Variants in PRTFDC1 observed in about 807,000 individuals in gnomAD.
PRTFDC1 encodes the protein phosphoribosyl transferase domain containing 1.
Under a neutral mutation model 34.6 loss-of-function variants are expected in PRTFDC1, and 38 were observed. The ratio of observed to expected loss-of-function variants is 1.10; its 90% CI spans 0.85 to 1.44. The LOEUF (loss-of-function observed/expected upper bound fraction) is 1.44, where lower values mean the gene tolerates loss of function less well. PRTFDC1 is among the 40% of genes most tolerant of loss of function. The pLI, the probability that PRTFDC1 is intolerant of heterozygous loss-of-function variation, is 0.00. For synonymous variants in PRTFDC1, 93 were observed against 98.1 expected, an observed-to-expected ratio of 0.95 and a Z score of 0.31; for missense variants, 270 against 283.0, an observed-to-expected ratio of 0.95 and a Z score of 0.33.
intron 3 of PRTFDC1, among the ~76,000 whole-genome samples, chr10:24,936,295 T>A (rs1296247134): frequency 2.0e-5 from 3 of 152,052 alleles, no homozygotes; most frequent in African/African-American, 4.8e-5. Flanking sequence ...ACAGCTTTTT[T>A]TTTTTGGCAA....
intron 3 of PRTFDC1, among the ~76,000 whole-genome samples, chr10:24,920,549 G>A (rs1053258271): frequency 1.3e-4 from 20 of 150,292 alleles, no homozygotes; most frequent in African/African-American, 3.5e-4. Flanking sequence ...AAGATGCGGC[G>A]ACAGCATCAG....
intron 3 of PRTFDC1, chr10:24,908,801 G>A: frequency 7.1e-7 from 1 of 1,399,114 alleles, no homozygotes. Flanking sequence ...CAGCCAGATA[G>A]CCCTCACATC....
rs1032064722 is a variant in PRTFDC1, at chr10:24,849,687, A to G, written c.*157T>C. 1.2e-5 allele frequency: 8 copies of G among 642,094 alleles called. No individual in the cohort carries two copies. The highest frequency in any genetic ancestry group is 2.9e-5 in the Admixed American group (1 of 34,318). The allele number at this position is 642,094 out of a possible 1,614,324, so 39.8% of individuals were successfully genotyped here. A position where few individuals can be genotyped will look rare whatever the true frequency, so the allele number is the denominator to read the frequency against. ...CTTAGGAACCTTTGATACTCTTTAT[A>G]TTAACCTCAGAAAAGAAAGCTCTCT... On this transcript the variant is annotated 3_prime_UTR_variant, in exon 9 of 9. Coordinates refer to ENST00000320152, the MANE Select transcript of PRTFDC1 (RefSeq NM_020200.7).
intron 3 of PRTFDC1, chr10:24,908,945 C>A: frequency 2.5e-6 from 1 of 401,680 alleles, no homozygotes; most frequent in Non-Finnish European, 4.4e-6. Flanking sequence ...CAGCTCTAAA[C>A]AAGGCATCCA....
intron 3 of PRTFDC1, among the ~76,000 whole-genome samples, chr10:24,894,468 A>C (rs901961288): frequency 2.0e-5 from 3 of 152,186 alleles, no homozygotes; most frequent in African/African-American, 7.2e-5. Flanking sequence ...GACCATCACC[A>C]GCAGGCTCTG....
chr10:24,874,736 A>T (rs12414663), intron 3 of PRTFDC1, among the ~76,000 whole-genome samples: 19,492 of 152,182 alleles, frequency 0.13, 1,494 homozygotes, highest in South Asian at 0.22. Flanking sequence ...GTGTTTTTTT[A>T]AAATTTTTAA....
At chr10:24,873,206 T>A (rs1044341970) in intron 3 of PRTFDC1, among the ~76,000 whole-genome samples, 6 of 152,076 alleles carry the variant, frequency 3.9e-5, no homozygotes, top group African/African-American at 1.4e-4. Flanking sequence ...TTATGTATGG[T>A]ATATTATCCT....
In PRTFDC1 at chr10:24,949,659, T is replaced by C. The variant is rs79380091; in HGVS notation, c.48+2869A>G. Reference sequence around the variant, plus strand: ...TGGATTATTTCCCACCTTTGTGGGCTCTCATGCAAGCACCAAGCCCCTTGG... The same window carrying C: ...TGGATTATTTCCCACCTTTGTGGGCCCTCATGCAAGCACCAAGCCCCTTGG... On this transcript the variant is annotated intron_variant, in intron 1 of 8. Transcript: ENST00000320152. 8.2e-3 allele frequency among the ~76,000 whole-genome samples: 1,248 copies of C among 152,256 alleles called. 16 individuals carry two copies. Among genetic ancestry groups the C allele is most frequent in the African/African-American group, 0.028 (1,161 of 41,556 alleles).
chr10:24,895,123 T>C (rs773373348), intron 3 of PRTFDC1, among the ~76,000 whole-genome samples: 4 of 152,194 alleles, frequency 2.6e-5, no homozygotes, highest in Non-Finnish European at 4.4e-5. Flanking sequence ...CTTGTCTTGT[T>C]ATAAACTGAA....
chr10:24,899,357 G>A (rs548324089), intron 3 of PRTFDC1, among the ~76,000 whole-genome samples: 1 of 152,174 alleles, frequency 6.6e-6, no homozygotes, highest in East Asian at 1.9e-4. Flanking sequence ...TTATTTTATT[G>A]CAAGTGAAGG....
intron 3 of PRTFDC1, among the ~76,000 whole-genome samples, chr10:24,926,145 T>C (rs1257656624): frequency 6.6e-6 from 1 of 152,216 alleles, no homozygotes; most frequent in Non-Finnish European, 1.5e-5. Context: ...TGGATGTCAC[T>C]TCTAGCTGTG....
chr10:24,918,364 T>G, intron 3 of PRTFDC1, among the ~76,000 whole-genome samples: 1 of 152,218 alleles, frequency 6.6e-6, no homozygotes, highest in East Asian at 1.9e-4. Context: ...TATATCCATG[T>G]CATTTTAGTG....
chr10:24,903,837 G>C (rs1057274414), intron 3 of PRTFDC1, among the ~76,000 whole-genome samples: 1 of 150,712 alleles, frequency 6.6e-6, no homozygotes, highest in Non-Finnish European at 1.5e-5. Flanking sequence ...CACACACCCA[G>C]CTAATTTATT....
intron 3 of PRTFDC1, among the ~76,000 whole-genome samples, chr10:24,931,019 C>T (rs1458496389): frequency 6.6e-6 from 1 of 151,898 alleles, no homozygotes; most frequent in Non-Finnish European, 1.5e-5. Context: ...ATAGAACAAG[C>T]CTCAAAAAAT....
chr10:24,926,388 C>CT (rs1848874726), intron 3 of PRTFDC1, among the ~76,000 whole-genome samples: 2 of 152,158 alleles, frequency 1.3e-5, no homozygotes, highest in Admixed American at 1.3e-4. Context: ...TTTCATCCAT[C>CT]TTTTTTTGAG....
intron 3 of PRTFDC1, among the ~76,000 whole-genome samples, chr10:24,902,816 C>A (rs1018468318): frequency 2.6e-5 from 4 of 152,144 alleles, no homozygotes; most frequent in Non-Finnish European, 5.9e-5. Flanking sequence ...TTCATTTATT[C>A]TTTTGTCAAA....
chr10:24,867,549 T>G (rs76392723), intron 4 of PRTFDC1: 8 of 150,008 alleles, frequency 5.3e-5, no homozygotes, highest in African/African-American at 2.0e-4. Context: ...CGTGTTTTCA[T>G]TTTTTTTTTC....
chr10:24,940,380 A>T (rs1001762303), intron 2 of PRTFDC1, among the ~76,000 whole-genome samples: 14 of 152,244 alleles, frequency 9.2e-5, no homozygotes, highest in African/African-American at 3.4e-4. Context: ...GTTCAATAAG[A>T]AGATGAACAA....
intron 3 of PRTFDC1, among the ~76,000 whole-genome samples, chr10:24,899,722 A>T (rs944460212): frequency 3.3e-5 from 5 of 152,218 alleles, no homozygotes; most frequent in African/African-American, 1.2e-4. Flanking sequence ...CTCTTTAAAA[A>T]TCCAAGTTTT....
Sources: gnomAD v4.1 joint callset for allele counts (sites outside exome capture counted in the v4.1 genomes callset) on GRCh38, gnomAD v4.1.1 for gene constraint, MANE v1.5 for transcripts, NCBI Gene and HGNC (gene_info 2026-07-23, HGNC 2026-07-21) for gene names.